Variants in FCHO2 observed in about 807,000 individuals in gnomAD.
FCHO2 encodes the protein F-BAR domain only protein 2.
A neutral mutation model predicts 114.1 loss-of-function variants in FCHO2; 43 were observed. The observed-to-expected ratio is 0.38, with a 90% confidence interval of 0.30 to 0.49. The LOEUF is 0.49. Ranked by LOEUF, FCHO2 falls within the 20% of genes least tolerant of loss-of-function variation. The pLI is 0.97. For synonymous variants in FCHO2, 293 were observed against 315.2 expected (o/e 0.93, Z 0.75); for missense variants, 807 against 950.4 (o/e 0.85, Z 1.98).
intron 8 of FCHO2, among the ~76,000 whole-genome samples, chr5:73,024,505 T>A (rs1463433105): frequency 1.3e-5 from 2 of 151,972 alleles, no homozygotes; most frequent in Middle Eastern, 3.4e-3. Flanking sequence ...AGTGGCATGG[T>A]CTTGGCTCAC....
intron 18 of FCHO2, among the ~76,000 whole-genome samples, 194 bp downstream of exon 18, chr5:73,064,138 C>T (rs916608441): frequency 2.0e-5 from 3 of 152,066 alleles, no homozygotes; most frequent in African/African-American, 7.2e-5. Flanking sequence ...TGAGACACGA[C>T]ATTGTCCAGG....
intron 5 of FCHO2, chr5:72,996,865 G>A (rs1418414700): frequency 2.6e-5 from 35 of 1,365,042 alleles, no homozygotes; most frequent in Non-Finnish European, 3.4e-5. Context: ...GCTGTGCCAC[G>A]GGGGCCCCCG....
intron 8 of FCHO2, among the ~76,000 whole-genome samples, chr5:73,023,556 T>C (rs1755745432): frequency 6.6e-6 from 1 of 151,994 alleles, no homozygotes; most frequent in South Asian, 2.1e-4. Context: ...AAAAATTAGC[T>C]GGGAGTGGTG....
At chr5:73,067,990 G>GTA (rs1452378877) in intron 18 of FCHO2, among the ~76,000 whole-genome samples, 2 of 151,950 alleles carry the variant, frequency 1.3e-5, no homozygotes, top group Admixed American at 6.6e-5. Context: ...TCAAACCTTT[G>GTA]TATGGAGTGA....
At position 73,064,452 on chromosome 5, in the gene FCHO2, A is replaced by G. The variant is rs764876259; in HGVS notation, c.1449+508A>G. On this transcript the variant is annotated intron_variant, in intron 18 of 25. Coordinates refer to ENST00000430046, the MANE Select transcript of FCHO2 (RefSeq NM_138782.3). ...AAAAGTCATCAGATAGAGAAAATCT[A>G]TAGACTCTATGCAGTGAGGCTCTCC... Among the ~76,000 whole-genome samples the G allele has an allele frequency of 5.3e-5, 8 of 152,062 alleles. No individual in the cohort carries two copies. In the East Asian group the frequency reaches 9.7e-4, roughly 18 times the overall value.
At chr5:72,969,166 C>A (rs1300098695) in intron 2 of FCHO2, among the ~76,000 whole-genome samples, 1 of 152,036 alleles carries the variant, frequency 6.6e-6, no homozygotes, top group African/African-American at 2.4e-5. Context: ...TGTGGCTACC[C>A]CAACTTTGTA....
At chr5:73,078,958 A>G (rs961612933) in intron 22 of FCHO2, among the ~76,000 whole-genome samples, 1 of 152,356 alleles carries the variant, frequency 6.6e-6, no homozygotes, top group African/African-American at 2.4e-5. Flanking sequence ...TTCATGCTGT[A>G]GAAGTTTAGC....
intron 2 of FCHO2, among the ~76,000 whole-genome samples, chr5:72,981,216 T>C (rs1753191899): frequency 6.6e-6 from 1 of 152,236 alleles, no homozygotes; most frequent in African/African-American, 2.4e-5. Flanking sequence ...TTTGTTTGGC[T>C]AGACATGAAA....
intron 11 of FCHO2, among the ~76,000 whole-genome samples, chr5:73,042,984 C>T (rs570151969): frequency 2.0e-5 from 3 of 152,226 alleles, no homozygotes; most frequent in South Asian, 4.1e-4. Context: ...GCTTGAGTGC[C>T]GTTGTGTGAT....
chr5:73,087,795 C>CA, intron 25 of FCHO2, 42 bp downstream of exon 25: 1 of 1,526,566 alleles, frequency 6.6e-7, no homozygotes, highest in Non-Finnish European at 8.8e-7. Context: ...ACATGGGAAA[C>CA]ATTTGTATTC....
chr5:73,074,267 TCAGA>T (rs1368536328), intron 19 of FCHO2, among the ~76,000 whole-genome samples: 1 of 151,782 alleles, frequency 6.6e-6, no homozygotes, highest in Non-Finnish European at 1.5e-5. Flanking sequence ...AATACAAGCA[TCAGA>T]CAAAGAGGAG....
At chr5:73,024,065 T>C (rs1472740327) in intron 8 of FCHO2, among the ~76,000 whole-genome samples, 2 of 152,104 alleles carry the variant, frequency 1.3e-5, no homozygotes, top group Non-Finnish European at 2.9e-5. Flanking sequence ...TCTTTTCTTT[T>C]CCTTTTTTTT....
At chr5:73,058,638 C>A in intron 17 of FCHO2, 114 bp downstream of exon 17, 1 of 434,352 alleles carries the variant, frequency 2.3e-6, no homozygotes, top group South Asian at 7.6e-5. Flanking sequence ...AAAATTTGTC[C>A]TCTGTATTGC....
At chr5:73,038,469 T>C (rs1003591483) in intron 10 of FCHO2, among the ~76,000 whole-genome samples, 1 of 152,168 alleles carries the variant, frequency 6.6e-6, no homozygotes, top group Non-Finnish European at 1.5e-5. Flanking sequence ...ACAAAAAAAT[T>C]TGTTGACCCA....
intron 11 of FCHO2, among the ~76,000 whole-genome samples, chr5:73,046,823 A>C (rs1757082648): frequency 6.6e-6 from 1 of 152,054 alleles, no homozygotes; most frequent in Non-Finnish European, 1.5e-5. Context: ...CTAGTTTTTA[A>C]TTCCATCTGT....
intron 1 of FCHO2, among the ~76,000 whole-genome samples, chr5:72,967,783 C>G (rs1752282886): frequency 6.6e-6 from 1 of 151,956 alleles, no homozygotes; most frequent in African/African-American, 2.4e-5. Flanking sequence ...CCATGCCCGG[C>G]TAATTTTTGT....
At position 73,078,330 on chromosome 5, in the gene FCHO2, G is replaced by T. The variant is rs1742984416; in HGVS notation, c.1980+18G>T. 1.3e-6 allele frequency: 2 copies of T among 1,565,824 alleles called. No homozygotes were observed. Among genetic ancestry groups the T allele is most frequent in the Non-Finnish European group, 1.7e-6 (2 of 1,160,908 alleles). ...AGTATCAGGTGAGTGTCACGACATT[G>T]CAAAAATTCTAAATTAAAATATTAA... On this transcript the variant is annotated intron_variant, in intron 22 of 25. Coordinates refer to ENST00000430046, the MANE Select transcript of FCHO2 (RefSeq NM_138782.3).
In FCHO2 at chr5:72,983,126, A is replaced by T. The variant is rs183709259; in HGVS notation, c.126-6301A>T. The stretch of plus-strand genomic sequence containing the variant: ...ACGGGGTTTCATCATGTTATCCAGG[A>T]TGGTCTCGATCTCTTGACCTCAGGT... On this transcript the variant is annotated intron_variant, in intron 2 of 25. Coordinates refer to ENST00000430046, the MANE Select transcript of FCHO2 (RefSeq NM_138782.3). Among the ~76,000 whole-genome samples, 6 of 152,038 alleles carry T rather than the reference A, an allele frequency of 3.9e-5. No individual in the cohort carries two copies. The East Asian group carries it at 5.8e-4, about 15-fold the overall frequency.
At chr5:73,051,583 T>C (rs1757340090) in intron 12 of FCHO2, among the ~76,000 whole-genome samples, 177 bp downstream of exon 12, 1 of 152,206 alleles carries the variant, frequency 6.6e-6, no homozygotes, top group African/African-American at 2.4e-5. Flanking sequence ...TGGGTTTTTT[T>C]TGAGACAGAG....
Sources: gnomAD v4.1 joint callset for allele counts (sites outside exome capture counted in the v4.1 genomes callset) on GRCh38, gnomAD v4.1.1 for gene constraint, MANE v1.5 for transcripts, NCBI Gene and HGNC (gene_info 2026-07-23, HGNC 2026-07-21) for gene names.